LARP1B: variants seen among roughly 807,000 people sequenced by gnomAD.
LARP1B encodes La ribonucleoprotein 1B.
In LARP1B, 76 loss-of-function variants were observed where a neutral mutation model predicts 114.2. That is an observed-to-expected ratio of 0.67 (90% confidence interval 0.55 to 0.81). The LOEUF (loss-of-function observed/expected upper bound fraction) is 0.81. LARP1B is among the 30% of genes least tolerant of loss of function. LARP1B has a pLI of 0.00. For missense variants in LARP1B, 1,014 were observed against 1,075.8 expected, an observed-to-expected ratio of 0.94 and a Z score of 0.80; for synonymous variants, 345 against 348.0, an observed-to-expected ratio of 0.99 and a Z score of 0.10.
intron 15 of LARP1B, among the ~76,000 whole-genome samples, chr4:128,188,421 G>T (rs971907390): frequency 3.9e-5 from 6 of 152,122 alleles, no homozygotes; most frequent in Admixed American, 2.0e-4. Context: ...ACATCTAGCT[G>T]AAGGTTTGTT....
chr4:128,167,360 T>C (rs944775004), intron 12 of LARP1B, among the ~76,000 whole-genome samples: 2 of 152,034 alleles, frequency 1.3e-5, no homozygotes, highest in Admixed American at 6.6e-5. Context: ...GGCATTGTTA[T>C]GTCTTCTTTG....
downstream of LARP1B, among the ~76,000 whole-genome samples, chr4:128,216,485 G>A (rs1331465661): frequency 7.1e-6 from 1 of 141,640 alleles, no homozygotes; most frequent in Non-Finnish European, 1.5e-5. Context: ...TCAGGATTAA[G>A]AATCTCACTC....
rs1775729342 is a variant in LARP1B, at chr4:128,091,037, A to G, written c.395A>G (p.Asp132Gly). 6.2e-7 allele frequency: 1 copy of G among 1,613,148 alleles called. No individual in the cohort carries two copies. Among genetic ancestry groups the G allele is most frequent in the African/African-American group, 1.3e-5 (1 of 74,888 alleles). ...KRDREKRDDQ[D>G]DVSSVRSEGG... ...GATAGAGAAAAAAGGGATGATCAAG[A>G]TGACGTTTCCAGTGTGAGAAGTGAG... is the stretch of plus-strand genomic sequence containing the variant. The change falls in exon 6 of 20, where the codon GAT becomes GGT. Residue 132 changes from aspartate (D) to glycine (G), a missense_variant. Transcript: ENST00000326639.
intron 11 of LARP1B, among the ~76,000 whole-genome samples, chr4:128,146,856 A>G (rs146863318): frequency 2.6e-5 from 4 of 152,252 alleles, no homozygotes; most frequent in African/African-American, 9.6e-5. Context: ...GAAGCATCCT[A>G]GAGAAGCCTA....
At chr4:128,162,144 G>A (rs1055502694) in intron 11 of LARP1B, 50 bp from the exon 12 acceptor site, 1 of 1,575,842 alleles carries the variant, frequency 6.3e-7, no homozygotes, top group Admixed American at 1.8e-5. Flanking sequence ...ATTGTCTGTT[G>A]GTTACTCTGT....
chr4:128,132,283 C>T (rs1177420782), intron 11 of LARP1B, among the ~76,000 whole-genome samples: 1 of 152,088 alleles, frequency 6.6e-6, no homozygotes, highest in East Asian at 1.9e-4. Flanking sequence ...CTTACTCTGT[C>T]GCCCTGGCTG....
intron 12 of LARP1B, among the ~76,000 whole-genome samples, chr4:128,173,158 A>G (rs1318610138): frequency 6.6e-6 from 1 of 152,148 alleles, no homozygotes; most frequent in Non-Finnish European, 1.5e-5. Flanking sequence ...ATTTGGATTC[A>G]TATCTATCTG....
rs193294396 is a variant in LARP1B at position 128,080,263 on chromosome 4, G to A, written c.218-1902G>A. ...TTCCCAAAGTGCTGGGATTACAGGCGTGAGCCACCACGCCTGGCAATTTGT... is the reference window on the plus strand; with the variant it reads ...TTCCCAAAGTGCTGGGATTACAGGCATGAGCCACCACGCCTGGCAATTTGT... On this transcript the variant is annotated intron_variant, in intron 4 of 19. Coordinates refer to ENST00000326639, the MANE Select transcript of LARP1B (RefSeq NM_018078.4). Among the ~76,000 whole-genome samples, 1,422 of 152,034 alleles carry A rather than the reference G, an allele frequency of 9.4e-3. 22 individuals are homozygous for A. Among genetic ancestry groups the A allele is most frequent in the African/African-American group, 0.031 (1,295 of 41,480 alleles).
chr4:128,073,579 T>TG (rs1275336840), intron 1 of LARP1B, among the ~76,000 whole-genome samples: 20 of 18,886 alleles, frequency 1.1e-3, no homozygotes, highest in Non-Finnish European at 1.5e-3. Context: ...GTCGTTTTTT[T>TG]TTTTTTTTTT....
At chr4:128,184,982 G>C (rs1218066888) in intron 15 of LARP1B, among the ~76,000 whole-genome samples, 4 of 151,970 alleles carry the variant, frequency 2.6e-5, no homozygotes. Flanking sequence ...ATGTATGTAT[G>C]TGCATATATT....
intron 11 of LARP1B, among the ~76,000 whole-genome samples, chr4:128,148,117 A>T (rs1731132083): frequency 6.6e-6 from 1 of 152,192 alleles, no homozygotes; most frequent in Non-Finnish European, 1.5e-5. Context: ...GTATCACTTT[A>T]TGCATAGCCT....
chr4:128,084,751 C>T (rs898770868), intron 5 of LARP1B, among the ~76,000 whole-genome samples: 7 of 151,886 alleles, frequency 4.6e-5, no homozygotes, highest in Non-Finnish European at 1.0e-4. Context: ...CTTTGATTAC[C>T]CCTGTAACTT....
At chr4:128,122,609 A>T (rs1788381334) in intron 11 of LARP1B, 2 of 1,481,512 alleles carry the variant, frequency 1.3e-6, no homozygotes, top group Admixed American at 5.2e-5. Context: ...GGCTTTAGAG[A>T]GCACTCTTCT....
intron 8 of LARP1B, among the ~76,000 whole-genome samples, chr4:128,105,718 C>A (rs1489038638): frequency 6.6e-6 from 1 of 151,920 alleles, no homozygotes; most frequent in Non-Finnish European, 1.5e-5. Context: ...GGTGAAACCC[C>A]GTCTCTACTA....
intron 8 of LARP1B, among the ~76,000 whole-genome samples, 193 bp from the exon 9 acceptor site, chr4:128,106,946 T>A (rs780549398): frequency 5.9e-5 from 9 of 152,160 alleles, no homozygotes. Flanking sequence ...AAGTGGGAGA[T>A]CAGGATATTT....
At chr4:128,062,369 G>A (rs1760509568) in intron 1 of LARP1B, 2 of 776,210 alleles carry the variant, frequency 2.6e-6, no homozygotes, top group Non-Finnish European at 3.1e-6. Context: ...GTTCCAAGGT[G>A]TCATTCACTC....
chr4:128,171,605 T>A (rs1330827388), intron 12 of LARP1B, among the ~76,000 whole-genome samples: 1 of 152,224 alleles, frequency 6.6e-6, no homozygotes, highest in Non-Finnish European at 1.5e-5. Flanking sequence ...TTGCTGTTCC[T>A]CTATTTGTGA....
At chr4:128,076,109 G>A (rs1388840500) in intron 3 of LARP1B, among the ~76,000 whole-genome samples, 1 of 152,080 alleles carries the variant, frequency 6.6e-6, no homozygotes, top group Non-Finnish European at 1.5e-5. Flanking sequence ...CGCCTCCCGG[G>A]TTTAAGTGAT....
chr4:128,089,418 C>T (rs1338317291), intron 5 of LARP1B, among the ~76,000 whole-genome samples: 1 of 152,168 alleles, frequency 6.6e-6, no homozygotes, highest in East Asian at 1.9e-4. Flanking sequence ...TCACTGCAAC[C>T]TCTGCCTCCC....
Sources: allele counts gnomAD v4.1 joint callset (sites outside exome capture counted in the v4.1 genomes callset), GRCh38; gene constraint gnomAD v4.1.1; transcripts MANE v1.5; gene names NCBI Gene and HGNC (gene_info 2026-07-23, HGNC 2026-07-21).